Variants in SUPT6H observed in about 807,000 individuals in gnomAD.
The protein encoded by SUPT6H is transcription elongation factor SPT6.
In SUPT6H, 11 loss-of-function variants were observed where a neutral mutation model predicts 222.3. That is an observed-to-expected ratio of 0.05 (90% CI 0.03 to 0.08). SUPT6H has a LOEUF of 0.08. SUPT6H is among the 10% of genes least tolerant of loss of function. The probability of loss-of-function intolerance (pLI) is 1.00; values close to 1 mark genes in which losing one functional copy is unlikely to be tolerated. For synonymous variants in SUPT6H, 762 were observed against 801.2 expected (o/e 0.95, Z 0.83); for missense variants, 1,422 against 2,216.0 (o/e 0.64, Z 7.19).
At chr17:28,665,349 T>C (rs9916465) in intron 1 of SUPT6H, among the ~76,000 whole-genome samples, 111,952 of 152,152 alleles carry the variant, frequency 0.74, 41,473 homozygotes, top group South Asian at 0.86. Context: ...CTTCTTCGCT[T>C]TTAGAGCAAG....
At position 28,678,562 on chromosome 17, in the gene SUPT6H, C is replaced by T. The variant is rs2030895750; in HGVS notation, c.1134C>T (p.Phe378=). Residue 378 remains phenylalanine (F), a synonymous_variant, in exon 10 of 37, where the codon TTC becomes TTT. Transcript: ENST00000314616. ...CATCCTAGGTGCCTTTTATTGCCTT[C>T]TATCGAAAGGAGTATGTGGAGCCTG... ...NQHFEVPFIA[F]YRKEYVEPEL... is the part of the protein sequence containing the mutation. The T allele has an allele frequency of 1.2e-6, 2 of 1,614,028 alleles. No homozygotes were observed. Among genetic ancestry groups the T allele is most frequent in the Middle Eastern group, 1.6e-4 (1 of 6,084 alleles).
intron 36 of SUPT6H, 24 bp downstream of exon 36, chr17:28,701,152 G>A: frequency 6.3e-7 from 1 of 1,588,412 alleles, no homozygotes. Context: ...TGGTGGCACA[G>A]TGCAGGTCAG....
intron 28 of SUPT6H, 30 bp downstream of exon 28, chr17:28,693,866 T>A (rs766809267): frequency 1.4e-5 from 23 of 1,613,904 alleles, no homozygotes; most frequent in Non-Finnish European, 1.9e-5. Context: ...AAGGTCGTAG[T>A]GCAATTTTCA....
chr17:28,701,167 A>C, intron 36 of SUPT6H, 39 bp downstream of exon 36: 1 of 1,574,526 alleles, frequency 6.4e-7, no homozygotes, highest in Non-Finnish European at 8.6e-7. Context: ...GGTCAGTGGT[A>C]GGGGCAGGTG....
Position 28,662,744 on chromosome 17 carries a change from A to G in SUPT6H, c.-32+402A>G, listed in dbSNP as rs183224406. 3.1e-3 allele frequency among the ~76,000 whole-genome samples: 474 copies of G among 152,338 alleles called. 3 individuals are homozygous for G. Among genetic ancestry groups the G allele is most frequent in the Non-Finnish European group, 1.9e-3 (128 of 68,026 alleles). ...CTGTGGAGCTTTCAGCAGCTCGGCC[A>G]TCAGGCTAGAGGGCGATGCCAAATT... On this transcript the variant is annotated intron_variant, in intron 1 of 36. Transcript: ENST00000314616.
Position 28,684,883 on chromosome 17 carries a change from A to T in SUPT6H, c.2409A>T (p.Gly803=), listed in dbSNP as rs1206027991. 2.5e-6 allele frequency: 4 copies of T among 1,614,086 alleles called. No homozygotes were observed. The highest frequency in any genetic ancestry group is 1.6e-4 in the Middle Eastern group (1 of 6,084). Residue 803 remains glycine (G), a synonymous_variant, in exon 19 of 37, where the codon GGA becomes GGT. Transcript: ENST00000314616. The part of the protein sequence containing the change: ...PVFCALVNGE[G]EVTDFLRLPH... Reference sequence around the variant, plus strand: ...TCTGCGCCCTGGTCAATGGTGAAGGAGAAGTGACAGACTTCCTTCGACTGC... The same window carrying T: ...TCTGCGCCCTGGTCAATGGTGAAGGTGAAGTGACAGACTTCCTTCGACTGC...
Position 28,689,086 on chromosome 17 carries a change from T to A in SUPT6H, c.3135-268T>A. The stretch of plus-strand genomic sequence containing the variant: ...CAGTTTTTCTAAATTTTATTTTTGC[T>A]ATGCATTTACTAACTACCCATTTAC... On this transcript the variant is annotated intron_variant, in intron 24 of 36. Coordinates refer to ENST00000314616, the MANE Select transcript of SUPT6H (RefSeq NM_003170.5). 1.0e-5 allele frequency: 4 copies of A among 396,280 alleles called. No homozygotes were observed. In the South Asian group the frequency reaches 1.5e-4, roughly 15 times the overall value. The allele number at this position is 396,280 out of a possible 1,614,324, so 24.5% of individuals were successfully genotyped here. A position where few individuals can be genotyped will look rare whatever the true frequency, so the allele number is the denominator to read the frequency against.
At chr17:28,675,619 C>A in intron 6 of SUPT6H, 134 bp downstream of exon 6, 2 of 838,816 alleles carry the variant, frequency 2.4e-6, no homozygotes, top group Non-Finnish European at 3.8e-6. Flanking sequence ...CTCAAATAAC[C>A]TCTACCAGGC....
intron 1 of SUPT6H, among the ~76,000 whole-genome samples, chr17:28,668,392 A>T (rs973700158): frequency 2.6e-5 from 4 of 152,238 alleles, no homozygotes; most frequent in African/African-American, 9.6e-5. Flanking sequence ...GTGCTACTGC[A>T]GTCTGCACAT....
Position 28,689,454 on chromosome 17 carries a change from T to A in SUPT6H, c.3235T>A (p.Ser1079Thr). 1.9e-6 allele frequency: 3 copies of A among 1,614,228 alleles called. No individual in the cohort carries two copies. Among genetic ancestry groups the A allele is most frequent in the Non-Finnish European group, 2.5e-6 (3 of 1,180,036 alleles). The change falls in exon 25 of 37, where the codon TCA becomes ACA. Residue 1079 changes from serine to threonine, a missense_variant. By Grantham distance (58) the Ser-to-Thr change is moderately conservative. Around this residue, in one of 13 missense-constraint regions of SUPT6H, gnomAD observed 16 missense variants for 88.5 expected, o/e 0.18. Coordinates refer to ENST00000314616, the MANE Select transcript of SUPT6H (RefSeq NM_003170.5). ...MAVDALEYDE[S>T]AEDANPAGAL... is the part of the protein sequence containing the mutation. The stretch of plus-strand genomic sequence containing the variant: ...AGTGGATGCCCTGGAATACGATGAA[T>A]CAGCCGAGGATGCCAATCCTGCAGG...
At chr17:28,670,868 A>C (rs1311398679) in intron 1 of SUPT6H, 1 of 153,348 alleles carries the variant, frequency 6.5e-6, no homozygotes, top group Non-Finnish European at 1.4e-5. Context: ...CTGGGCAACA[A>C]GAGCGAAACT....
chr17:28,695,095 AG>A, intron 28 of SUPT6H: 1 of 427,210 alleles, frequency 2.3e-6, no homozygotes, highest in African/African-American at 2.0e-5. Context: ...GAAGAGTGCC[AG>A]GGACAGGGTA....
chr17:28,678,512 C>A (rs766359031), intron 9 of SUPT6H, 33 bp from the exon 10 acceptor site: 1 of 1,599,788 alleles, frequency 6.3e-7, no homozygotes, highest in South Asian at 1.1e-5. Context: ...AATCTGTCTT[C>A]TCTGAGTGAC....
chr17:28,688,425 A>G lies in SUPT6H; in HGVS notation c.3134+207A>G, dbSNP rs1349552050. ...TGTGAAACATTTTTCGTGTGAGAGAAACATAAAAAGTACCAGCTTAGCTTA... is the reference window on the plus strand; with the variant it reads ...TGTGAAACATTTTTCGTGTGAGAGAGACATAAAAAGTACCAGCTTAGCTTA... On this transcript the variant is annotated intron_variant, in intron 24 of 36. Coordinates refer to ENST00000314616, the MANE Select transcript of SUPT6H (RefSeq NM_003170.5). This position sits in a 1 kb window ranked among gnomAD's most constrained non-coding sequence, Gnocchi z 4.3. 1 of 452,962 alleles carries G rather than the reference A, an allele frequency of 2.2e-6. No individual in the cohort carries two copies. Among genetic ancestry groups the G allele is most frequent in the African/African-American group, 2.0e-5 (1 of 49,178 alleles). The allele number at this position is 452,962 out of a possible 1,614,324, so 28.1% of individuals were successfully genotyped here.
intron 28 of SUPT6H, among the ~76,000 whole-genome samples, chr17:28,694,499 G>A (rs940148754): frequency 6.6e-5 from 10 of 152,176 alleles, no homozygotes; most frequent in Non-Finnish European, 1.3e-4. Context: ...GCAGCTCTGC[G>A]AAATTCACTG....
At position 28,683,509 on chromosome 17, in the gene SUPT6H, C is replaced by G. The variant is rs78505195; in HGVS notation, c.2033+87C>G. The G allele has an allele frequency of 1.2e-4, 196 of 1,587,338 alleles. 2 individuals are homozygous for G. In the African/African-American group the frequency reaches 2.3e-3, roughly 19 times the overall value. The stretch of plus-strand genomic sequence containing the variant: ...GAAGGGCCCCTCAGGAGTGGGGAAC[C>G]ACAATTTCAGAGTTGAGCAGGCTGT... On this transcript the variant is annotated intron_variant, in intron 16 of 36. Transcript: ENST00000314616.
intron 1 of SUPT6H, among the ~76,000 whole-genome samples, chr17:28,668,306 A>G (rs145205959): frequency 6.6e-6 from 1 of 152,238 alleles, no homozygotes; most frequent in African/African-American, 2.4e-5. Flanking sequence ...ACCATGTATT[A>G]ATAATAATCA....
chr17:28,697,771 T>C, intron 31 of SUPT6H, 38 bp downstream of exon 31: 1 of 1,611,686 alleles, frequency 6.2e-7, no homozygotes, highest in South Asian at 1.1e-5. Context: ...CACTTGCCAA[T>C]CACTTAAGGA....
chr17:28,664,493 A>G (rs2029903495), intron 1 of SUPT6H, among the ~76,000 whole-genome samples: 1 of 152,212 alleles, frequency 6.6e-6, no homozygotes, highest in Non-Finnish European at 1.5e-5. Flanking sequence ...CAACAGAACA[A>G]AACTCCGTCT....
Sources: gnomAD v4.1 joint callset for allele counts (sites outside exome capture counted in the v4.1 genomes callset) on GRCh38, gnomAD v4.1.1 for gene constraint, gnomAD v4.1.1 regional missense constraint, Gnocchi (gnomAD v3.1) non-coding constraint, MANE v1.5 for transcripts, NCBI Gene and HGNC (gene_info 2026-07-23, HGNC 2026-07-21) for gene names.